ARNT2: variants seen among roughly 807,000 people sequenced by gnomAD.
ARNT2 encodes the protein ARNT protein 2.
A neutral mutation model predicts 91.7 loss-of-function variants in ARNT2; 36 were observed. The ratio of observed to expected loss-of-function variants is 0.39; its 90% CI spans 0.30 to 0.52. The LOEUF (loss-of-function observed/expected upper bound fraction) is 0.52, where lower values mean the gene tolerates loss of function less well. Ranked by LOEUF, ARNT2 falls within the 20% of genes least tolerant of loss-of-function variation. The pLI is 0.72. For missense variants in ARNT2, 775 were observed against 939.3 expected (o/e 0.83, Z 2.29); for synonymous variants, 365 against 347.1 (o/e 1.05, Z -0.57).
At chr15:80,493,396 G>A (rs1897082875) in intron 5 of ARNT2, among the ~76,000 whole-genome samples, 1 of 152,180 alleles carries the variant, frequency 6.6e-6, no homozygotes, top group Admixed American at 6.5e-5. Flanking sequence ...CCTGAATTGT[G>A]TACAGCTATC....
intron 8 of ARNT2, among the ~76,000 whole-genome samples, chr15:80,537,753 C>T (rs1357498253): frequency 1.3e-5 from 2 of 152,234 alleles, no homozygotes; most frequent in Admixed American, 1.3e-4. Flanking sequence ...GTGGAAGGTA[C>T]CCGTGTTACC....
At chr15:80,563,974 G>A (rs1215726563) in intron 12 of ARNT2, among the ~76,000 whole-genome samples, 1 of 152,186 alleles carries the variant, frequency 6.6e-6, no homozygotes, top group East Asian at 1.9e-4. Context: ...AACAGGTCAT[G>A]CCTCCTCTGC....
At chr15:80,406,010 G>C (rs917677984) in intron 1 of ARNT2, among the ~76,000 whole-genome samples, 22 of 152,192 alleles carry the variant, frequency 1.4e-4, no homozygotes, top group Non-Finnish European at 3.2e-4. Flanking sequence ...ATTCTAAGGA[G>C]GGAACAAGAC....
At chr15:80,557,860 C>G (rs965203481) in intron 11 of ARNT2, among the ~76,000 whole-genome samples, 6 of 152,204 alleles carry the variant, frequency 3.9e-5, no homozygotes, top group African/African-American at 1.4e-4. Context: ...TTACTCTACT[C>G]CAAGCCATTC....
rs1032703880 is a variant in ARNT2, at chr15:80,416,465, T to G, written c.31+11919T>G. 1.2e-4 allele frequency among the ~76,000 whole-genome samples: 19 copies of G among 152,356 alleles called. 1 individual carries two copies. The highest frequency in any genetic ancestry group is 6.5e-4 in the Admixed American group (10 of 15,302). ...AATCAGGAAGTTGGCATTAATGTAATAGCATTATCTAATCCACAGACCTTA... is the reference window on the plus strand; with the variant it reads ...AATCAGGAAGTTGGCATTAATGTAAGAGCATTATCTAATCCACAGACCTTA... On this transcript the variant is annotated intron_variant, in intron 1 of 18. Coordinates refer to ENST00000303329, the MANE Select transcript of ARNT2 (RefSeq NM_014862.4).
chr15:80,562,055 A>G (rs1898367829), intron 11 of ARNT2, among the ~76,000 whole-genome samples: 1 of 150,156 alleles, frequency 6.7e-6, no homozygotes, highest in South Asian at 2.1e-4. Flanking sequence ...GCACTGCTAT[A>G]TATTTTATTT....
At chr15:80,471,501 G>A (rs1227635028) in intron 4 of ARNT2, among the ~76,000 whole-genome samples, 1 of 152,146 alleles carries the variant, frequency 6.6e-6, no homozygotes, top group African/African-American at 2.4e-5. Flanking sequence ...TCCCTTGGCA[G>A]TACGTAACAA....
chr15:80,465,581 G>A (rs931439729), intron 3 of ARNT2, among the ~76,000 whole-genome samples: 1 of 152,206 alleles, frequency 6.6e-6, no homozygotes, highest in Non-Finnish European at 1.5e-5. Context: ...ATTATTTCAA[G>A]TGCTGACTTC....
chr15:80,502,342 C>T (rs1302132855), intron 5 of ARNT2, among the ~76,000 whole-genome samples: 3 of 152,190 alleles, frequency 2.0e-5, no homozygotes, highest in Admixed American at 6.5e-5. Context: ...GAGGAGGACA[C>T]GTCCTGAGAG....
rs1013780616 is a variant in ARNT2, at chr15:80,547,535, A to G, written c.878-3664A>G. On this transcript the variant is annotated intron_variant, in intron 8 of 18. Transcript: ENST00000303329. ...GTGAGCTGAACTAGGTGTTTTTTCC[A>G]TGGAACATAGTTTTTGCTTGAAAGA... Among the ~76,000 whole-genome samples the G allele has an allele frequency of 7.2e-5, 11 of 152,320 alleles. No homozygotes were observed. In the East Asian group the frequency reaches 1.5e-3, roughly 21 times the overall value.
In ARNT2 at chr15:80,470,233, A is replaced by G; in HGVS notation, c.210A>G (p.Glu70=). The G allele has an allele frequency of 6.2e-7, 1 of 1,614,076 alleles. No homozygotes were observed. The highest frequency in any genetic ancestry group is 8.5e-7 in the Non-Finnish European group (1 of 1,179,990). ...PSKFSRENHS[E]IERRRRNKMT... ...TTCTGGAAAGAGAGAATCATAGTGA[A>G]ATCGAAAGGCGCAGACGGAACAAGA... Residue 70 remains glutamate, a synonymous_variant, in exon 4 of 19, where the codon GAA becomes GAG. Coordinates refer to ENST00000303329, the MANE Select transcript of ARNT2 (RefSeq NM_014862.4).
intron 5 of ARNT2, among the ~76,000 whole-genome samples, chr15:80,483,809 G>T (rs1896926073): frequency 6.6e-6 from 1 of 152,246 alleles, no homozygotes; most frequent in African/African-American, 2.4e-5. Context: ...GCTGCCAGTT[G>T]TCAACATGCA....
chr15:80,566,231 T>C (rs11629832), intron 12 of ARNT2, among the ~76,000 whole-genome samples: 55,691 of 151,128 alleles, frequency 0.37, 11,304 homozygotes, highest in East Asian at 0.72. Flanking sequence ...TGTTTGGTCT[T>C]CTAAATGCCC....
intron 4 of ARNT2, among the ~76,000 whole-genome samples, chr15:80,472,225 C>T (rs1023371353): frequency 5.9e-5 from 9 of 151,944 alleles, no homozygotes; most frequent in African/African-American, 1.7e-4. Context: ...CAAGACACAG[C>T]GTGTGGCCAA....
At chr15:80,518,277 C>CTTTTTTTTTTTTTTTTTTT (rs56726705) in intron 8 of ARNT2, among the ~76,000 whole-genome samples, 58 of 89,360 alleles carry the variant, frequency 6.5e-4, no homozygotes, top group Non-Finnish European at 8.4e-4. Flanking sequence ...TTTTTCTATT[C>CTTTTTTTTTTTTTTTTTTT]TTTTTTTTTT....
rs144305960 is a variant in ARNT2, at chr15:80,417,270, C to T, written c.31+12724C>T. Among the ~76,000 whole-genome samples, 683 of 152,178 alleles carry T rather than the reference C, an allele frequency of 4.5e-3. 3 individuals carry two copies. The highest frequency in any genetic ancestry group is 0.01 in the Middle Eastern group (3 of 294). ...AAACAGTAATTAGTGTGTGATTTGT[C>T]CCGTTTTTGGTTGCTGGTGCATATC... On this transcript the variant is annotated intron_variant, in intron 1 of 18. Transcript: ENST00000303329.
chr15:80,496,552 C>A (rs1031809912), intron 5 of ARNT2, among the ~76,000 whole-genome samples: 8 of 152,190 alleles, frequency 5.3e-5, no homozygotes, highest in South Asian at 2.1e-4. Flanking sequence ...ATACATGTAG[C>A]CTGCCATTCA....
chr15:80,457,811 G>C, intron 2 of ARNT2, 118 bp from the exon 3 acceptor site: 1 of 1,090,920 alleles, frequency 9.2e-7, no homozygotes, highest in Non-Finnish European at 1.4e-6. Context: ...ACTGCCAAAG[G>C]TTGGGATCAA....
rs543277726 is a variant in ARNT2 at position 80,551,300 on chromosome 15, T to G, written c.954+25T>G. ...GGTAAGAAAAAATTCGTAGCCTTTT[T>G]AATCTTAAATGAAGGCTTATTGCCA... On this transcript the variant is annotated intron_variant, in intron 9 of 18. Coordinates refer to ENST00000303329, the MANE Select transcript of ARNT2 (RefSeq NM_014862.4). The G allele has an allele frequency of 2.5e-6, 4 of 1,598,172 alleles. No homozygotes were observed. In the African/African-American group the frequency reaches 4.0e-5, roughly 16 times the overall value.
Sources: gnomAD v4.1 joint callset for allele counts (sites outside exome capture counted in the v4.1 genomes callset) on GRCh38, gnomAD v4.1.1 for gene constraint, MANE v1.5 for transcripts, NCBI Gene and HGNC (gene_info 2026-07-23, HGNC 2026-07-21) for gene names.